Variants in SFXN1 observed in about 807,000 individuals in gnomAD.
SFXN1 encodes sideroflexin 1.
Under a neutral mutation model 39.5 loss-of-function variants are expected in SFXN1, and 32 were observed. The ratio of observed to expected loss-of-function variants is 0.81; its 90% CI spans 0.61 to 1.09. The LOEUF (loss-of-function observed/expected upper bound fraction) is 1.09. SFXN1 is among the 50% of genes least tolerant of loss of function. SFXN1 has a pLI of 0.00. For missense variants in SFXN1, 402 were observed against 407.1 expected, an observed-to-expected ratio of 0.99 and a Z score of 0.11; for synonymous variants, 136 against 146.5, an observed-to-expected ratio of 0.93 and a Z score of 0.52.
chr5:175,519,414 T>C (rs1483920409), intron 8 of SFXN1, among the ~76,000 whole-genome samples: 4 of 152,226 alleles, frequency 2.6e-5, no homozygotes, highest in African/African-American at 4.8e-5. Context: ...GCTTTATTTG[T>C]AATAGCCAAA....
At chr5:175,507,036 G>A (rs1760332976) in intron 2 of SFXN1, among the ~76,000 whole-genome samples, 1 of 152,156 alleles carries the variant, frequency 6.6e-6, no homozygotes, top group Non-Finnish European at 1.5e-5. Context: ...CTCAAGGTCT[G>A]ATATCAAGGT....
intron 8 of SFXN1, 77 bp from the exon 9 acceptor site, chr5:175,521,841 TC>T: frequency 8.8e-7 from 1 of 1,139,010 alleles, no homozygotes; most frequent in Non-Finnish European, 1.3e-6. Flanking sequence ...GGTGAGAGGT[TC>T]CTTCCAGTTA....
intron 10 of SFXN1, among the ~76,000 whole-genome samples, chr5:175,524,553 T>G (rs954970395): frequency 1.3e-5 from 2 of 151,906 alleles, no homozygotes; most frequent in African/African-American, 4.8e-5. Context: ...TTGAGAGATA[T>G]TTATAGCTTT....
Position 175,480,153 on chromosome 5 carries a change from G to T in SFXN1, c.-10+1514G>T, listed in dbSNP as rs548266895. On this transcript the variant is annotated intron_variant, in intron 1 of 10. Coordinates refer to ENST00000321442, the MANE Select transcript of SFXN1 (RefSeq NM_022754.7). ...GCGGTGGCTCACGCCTGTAATCCCAGCACTTTGGGTGGCCGAGGCGGGCGG... is the reference window on the plus strand; with the variant it reads ...GCGGTGGCTCACGCCTGTAATCCCATCACTTTGGGTGGCCGAGGCGGGCGG... Among the ~76,000 whole-genome samples, 266 of 152,302 alleles carry T rather than the reference G, an allele frequency of 1.7e-3. 2 individuals carry two copies. Among genetic ancestry groups the T allele is most frequent in the African/African-American group, 6.2e-3 (257 of 41,568 alleles).
intron 2 of SFXN1, among the ~76,000 whole-genome samples, chr5:175,498,733 A>T (rs1759961060): frequency 6.6e-6 from 1 of 152,164 alleles, no homozygotes; most frequent in Non-Finnish European, 1.5e-5. Flanking sequence ...TTTGCTAAAG[A>T]TTTTAAAAAT....
At chr5:175,494,924 G>A (rs918823723) in intron 2 of SFXN1, among the ~76,000 whole-genome samples, 1 of 152,162 alleles carries the variant, frequency 6.6e-6, no homozygotes, top group African/African-American at 2.4e-5. Context: ...TGACCCAGCA[G>A]TTCCACTTCT....
intron 3 of SFXN1, 25 bp downstream of exon 3, chr5:175,509,227 G>A: frequency 6.3e-7 from 1 of 1,582,686 alleles, no homozygotes. Flanking sequence ...TGTAGCAACA[G>A]TGTGTTTACC....
intron 10 of SFXN1, among the ~76,000 whole-genome samples, chr5:175,526,163 ATTTTT>A (rs1464960860): frequency 6.8e-6 from 1 of 147,500 alleles, no homozygotes; most frequent in Non-Finnish European, 1.5e-5. Flanking sequence ...ATTTTTTGAA[ATTTTT>A]TTAATAAGCG....
chr5:175,505,542 A>ATAATAATAATAG (rs1760258802), intron 2 of SFXN1, among the ~76,000 whole-genome samples: 1 of 85,732 alleles, frequency 1.2e-5, no homozygotes. Flanking sequence ...CATCACAATA[A>ATAATAATAATAG]TAATAATAAT....
intron 2 of SFXN1, 50 bp from the exon 3 acceptor site, chr5:175,508,982 G>A: frequency 1.3e-6 from 2 of 1,540,970 alleles, no homozygotes; most frequent in Non-Finnish European, 1.8e-6. Context: ...CTAGGACACT[G>A]GGGAGATATT....
Position 175,510,119 on chromosome 5 carries a change from G to A in SFXN1, c.346G>A (p.Ala116Thr). 3 of 1,612,176 alleles carry A rather than the reference G, an allele frequency of 1.9e-6. No homozygotes were observed. Among genetic ancestry groups the A allele is most frequent in the Non-Finnish European group, 2.5e-6 (3 of 1,179,146 alleles). Residue 116 changes from alanine (A) to threonine (T), a missense_variant, in exon 4 of 11, where the codon GCT becomes ACT. By Grantham distance (58) the Ala-to-Thr change is moderately conservative. Coordinates refer to ENST00000321442, the MANE Select transcript of SFXN1 (RefSeq NM_022754.7). ...ATGCCTCTGTTTTAGGACTACGCCG[G>A]CTGTGCTGTTCTGGCAGTGGATTAA... ...CMMTFYRTTP[A>T]VLFWQWINQS...
At chr5:175,479,294 G>C (rs1759143870) in intron 1 of SFXN1, among the ~76,000 whole-genome samples, 1 of 152,156 alleles carries the variant, frequency 6.6e-6, no homozygotes, top group African/African-American at 2.4e-5. Flanking sequence ...AGGTGACTTA[G>C]GTCCATATAC....
At chr5:175,502,528 A>T (rs1331390913) in intron 2 of SFXN1, among the ~76,000 whole-genome samples, 2 of 152,234 alleles carry the variant, frequency 1.3e-5, no homozygotes, top group Non-Finnish European at 2.9e-5. Flanking sequence ...TTTCAGAATA[A>T]CTAAAAAGAG....
chr5:175,494,651 CAG>C (rs1561657908), intron 2 of SFXN1, among the ~76,000 whole-genome samples: 1 of 151,506 alleles, frequency 6.6e-6, no homozygotes, highest in Non-Finnish European at 1.5e-5. Context: ...ACTTGTGTGG[CAG>C]AGACAGGAGA....
At chr5:175,513,215 G>A (rs373899701) in intron 6 of SFXN1, among the ~76,000 whole-genome samples, 20 of 144,694 alleles carry the variant, frequency 1.4e-4, no homozygotes, top group African/African-American at 4.9e-4. Context: ...CAGGAGAATC[G>A]CTTTGAACCC....
intron 10 of SFXN1, chr5:175,523,987 A>G (rs1760955647): frequency 1.3e-5 from 2 of 150,900 alleles, no homozygotes; most frequent in South Asian, 2.1e-4. Flanking sequence ...ATGAATATCC[A>G]CAAATTCAGT....
intron 2 of SFXN1, among the ~76,000 whole-genome samples, chr5:175,507,992 A>AAAAG (rs879604357): frequency 6.8e-6 from 1 of 146,146 alleles, no homozygotes; most frequent in Non-Finnish European, 1.5e-5. Context: ...AAAAAAAAAA[A>AAAAG]TTCTTCCTGA....
intron 2 of SFXN1, among the ~76,000 whole-genome samples, chr5:175,496,309 G>A (rs1419511344): frequency 6.6e-6 from 1 of 151,870 alleles, no homozygotes; most frequent in East Asian, 2.0e-4. Context: ...GGGAGGCAGA[G>A]GTTTCAGTGA....
intron 4 of SFXN1, 134 bp from the exon 5 acceptor site, chr5:175,511,317 G>A: frequency 1.5e-6 from 1 of 682,430 alleles, no homozygotes; most frequent in Non-Finnish European, 2.5e-6. Flanking sequence ...TGGAGTGATA[G>A]TGAATGTTGT....
Sources: gnomAD v4.1 joint callset for allele counts (sites outside exome capture counted in the v4.1 genomes callset) on GRCh38, gnomAD v4.1.1 for gene constraint, MANE v1.5 for transcripts, NCBI Gene and HGNC (gene_info 2026-07-23, HGNC 2026-07-21) for gene names.